Variants in PRR14L observed in about 807,000 individuals in gnomAD.
PRR14L encodes protein PRR14L.
Under a neutral mutation model 155.0 loss-of-function variants are expected in PRR14L, and 80 were observed. The ratio of observed to expected loss-of-function variants is 0.52; its 90% CI spans 0.43 to 0.62. PRR14L has a LOEUF of 0.62. PRR14L is among the 20% of genes least tolerant of loss of function. The probability of loss-of-function intolerance (pLI) is 0.00; values close to 1 mark genes in which losing one functional copy is unlikely to be tolerated. For missense variants in PRR14L, 2,469 were observed against 2,548.0 expected, an observed-to-expected ratio of 0.97 and a Z score of 0.67; for synonymous variants, 883 against 916.0, an observed-to-expected ratio of 0.96 and a Z score of 0.65.
At chr22:31,702,759 G>A (rs947648968) in intron 6 of PRR14L, among the ~76,000 whole-genome samples, 8 of 151,970 alleles carry the variant, frequency 5.3e-5, no homozygotes, top group African/African-American at 1.2e-4. Flanking sequence ...CGGGTGATCC[G>A]CCCGCCCTGG....
At chr22:31,688,362 C>A in intron 7 of PRR14L, 135 bp from the exon 8 acceptor site, 1 of 1,186,446 alleles carries the variant, frequency 8.4e-7, no homozygotes, top group Non-Finnish European at 1.1e-6. Flanking sequence ...TCTAGCCATC[C>A]TCCAGCCTCA....
At position 31,713,894 on chromosome 22, in the gene PRR14L, G is replaced by A. The variant is rs2074638387; in HGVS notation, c.3945C>T (p.His1315=). Residue 1315 remains histidine, a synonymous_variant, in exon 4 of 9, where the codon CAC becomes CAT. Transcript: ENST00000327423. The part of the protein sequence containing the change: ...EKNACKACHP[H]ENSSDRHLPL... Reference sequence around the variant, plus strand: ...GCAAATGTCTGTCAGAGGAATTCTCGTGAGGGTGACAAGCTTTGCAAGCAT... The same window carrying A: ...GCAAATGTCTGTCAGAGGAATTCTCATGAGGGTGACAAGCTTTGCAAGCAT... 1 of 1,551,952 alleles carries A rather than the reference G, an allele frequency of 6.4e-7. No individual in the cohort carries two copies.
chr22:31,685,521 C>T lies in PRR14L; in HGVS notation c.*6G>A, dbSNP rs1319792906. Reference sequence around the variant, plus strand: ...TAAAATTGAGACCCTCAAACTGAATCGCTTCTCAACAGCCTGATGATTGTT... The same window carrying T: ...TAAAATTGAGACCCTCAAACTGAATTGCTTCTCAACAGCCTGATGATTGTT... On this transcript the variant is annotated 3_prime_UTR_variant, in exon 9 of 9. Transcript: ENST00000327423. 1.4e-5 allele frequency: 22 copies of T among 1,529,120 alleles called. No homozygotes were observed. Among genetic ancestry groups the T allele is most frequent in the Non-Finnish European group, 1.9e-5 (21 of 1,133,006 alleles). The allele number at this position is 1,529,120 out of a possible 1,614,324, so 94.7% of individuals were successfully genotyped here.
chr22:31,724,955 C>T (rs1425503593), intron 3 of PRR14L, among the ~76,000 whole-genome samples: 2 of 152,148 alleles, frequency 1.3e-5, no homozygotes, highest in East Asian at 3.8e-4. Context: ...TTATCTCATC[C>T]CTGACCCCAC....
chr22:31,714,628 C>G lies in PRR14L; in HGVS notation c.3211G>C (p.Val1071Leu). Residue 1071 changes from valine (V) to leucine (L), a missense_variant, in exon 4 of 9, where the codon GTG becomes CTG. By Grantham distance (32) the Val-to-Leu change is conservative. Around this residue, in one of 2 missense-constraint regions of PRR14L, gnomAD observed 2,363 missense variants for 2,371.6 expected, o/e 1.00. Transcript: ENST00000327423. ...CAATCCAGTAGATTAGATGCCTTCACGTCCAGCACACCTTCTGCAAGCTTA... is the reference window on the plus strand; with the variant it reads ...CAATCCAGTAGATTAGATGCCTTCAGGTCCAGCACACCTTCTGCAAGCTTA... ...SNKLAEGVLD[V>L]KASNLLDCGA... 6.4e-7 allele frequency: 1 copy of G among 1,552,036 alleles called. No homozygotes were observed. The highest frequency in any genetic ancestry group is 2.4e-5 in the East Asian group (1 of 40,930).
chr22:31,687,448 G>A (rs994780537), intron 8 of PRR14L, among the ~76,000 whole-genome samples: 2 of 151,050 alleles, frequency 1.3e-5, no homozygotes, highest in Non-Finnish European at 3.0e-5. Context: ...CCTCCTCCCG[G>A]GTTCAAGCAA....
intron 1 of PRR14L, among the ~76,000 whole-genome samples, chr22:31,749,285 G>A (rs998600375): frequency 5.3e-5 from 8 of 152,124 alleles, no homozygotes; most frequent in African/African-American, 1.2e-4. Context: ...AATAATGCAA[G>A]GGAAAGGAGC....
chr22:31,707,815 C>T lies in PRR14L; in HGVS notation c.5757-3089G>A, dbSNP rs547709798. Among the ~76,000 whole-genome samples, 9 of 152,298 alleles carry T rather than the reference C, an allele frequency of 5.9e-5. No individual in the cohort carries two copies. In the South Asian group the frequency reaches 1.9e-3, roughly 32 times the overall value. ...TTTAAAACAATGTGAATCACTCTAA[C>T]GTATTTTCATGGCTGTCTTTATAAT... On this transcript the variant is annotated intron_variant, in intron 4 of 8. Transcript: ENST00000327423.
intron 4 of PRR14L, among the ~76,000 whole-genome samples, chr22:31,706,368 A>T (rs1272371258): frequency 1.3e-5 from 2 of 150,762 alleles, no homozygotes; most frequent in Non-Finnish European, 3.0e-5. Flanking sequence ...ATCTCACAAA[A>T]AAAAAAAAAA....
At chr22:31,744,709 C>G (rs919680801) in intron 1 of PRR14L, among the ~76,000 whole-genome samples, 1 of 152,224 alleles carries the variant, frequency 6.6e-6, no homozygotes, top group Non-Finnish European at 1.5e-5. Flanking sequence ...GTGGACTCAA[C>G]TCCCTGCAGT....
rs1313271647 is a variant in PRR14L, at chr22:31,713,853, G to A, written c.3986C>T (p.Thr1329Ile). Residue 1329 changes from threonine to isoleucine, a missense_variant, in exon 4 of 9, where the codon ACA becomes ATA. Thr to Ile is a moderately conservative substitution (Grantham distance 89). Coordinates refer to ENST00000327423, the MANE Select transcript of PRR14L (RefSeq NM_173566.3). The stretch of plus-strand genomic sequence containing the variant: ...TTCTTCTCCTTTCACTTTAATATCT[G>A]TTTTCACTGTCAAAGGCAAATGTCT... ...SDRHLPLTVK[T>I]DIKVKGEETE... 6 of 1,552,100 alleles carry A rather than the reference G, an allele frequency of 3.9e-6. No homozygotes were observed. The highest frequency in any genetic ancestry group is 5.2e-6 in the Non-Finnish European group (6 of 1,147,124).
chr22:31,697,364 T>C (rs2074540368), intron 7 of PRR14L, among the ~76,000 whole-genome samples: 1 of 150,790 alleles, frequency 6.6e-6, no homozygotes, highest in Non-Finnish European at 1.5e-5. Flanking sequence ...ATTTCAGGTA[T>C]CTCATGGAAA....
chr22:31,730,946 G>A (rs541864243), intron 2 of PRR14L, among the ~76,000 whole-genome samples: 6 of 152,166 alleles, frequency 3.9e-5, no homozygotes, highest in African/African-American at 7.2e-5. Flanking sequence ...AGTAAGTGTC[G>A]AATAATTCAT....
At chr22:31,701,078 C>T (rs1370146674) in intron 7 of PRR14L, among the ~76,000 whole-genome samples, 1 of 151,796 alleles carries the variant, frequency 6.6e-6, no homozygotes, top group East Asian at 1.9e-4. Context: ...ACCTCCACCT[C>T]CCAGGCTCAA....
intron 2 of PRR14L, among the ~76,000 whole-genome samples, chr22:31,725,975 T>C (rs2074714528): frequency 6.6e-6 from 1 of 151,962 alleles, no homozygotes; most frequent in Admixed American, 6.6e-5. Context: ...GGCTGAATAT[T>C]AGTTATTTTT....
intron 2 of PRR14L, among the ~76,000 whole-genome samples, chr22:31,734,098 G>C (rs958005644): frequency 3.3e-5 from 5 of 151,892 alleles, no homozygotes; most frequent in Non-Finnish European, 5.9e-5. Context: ...TCATCCTCCC[G>C]AATAGCTGGG....
chr22:31,710,068 G>A (rs764725391), intron 4 of PRR14L, among the ~76,000 whole-genome samples: 7 of 152,062 alleles, frequency 4.6e-5, no homozygotes, highest in African/African-American at 1.4e-4. Context: ...AGCCTTTTGA[G>A]TAGCTGGGAC....
At chr22:31,747,135 A>G (rs1326606695) in intron 1 of PRR14L, among the ~76,000 whole-genome samples, 1 of 138,176 alleles carries the variant, frequency 7.2e-6, no homozygotes, top group Non-Finnish European at 1.6e-5. Flanking sequence ...TTTGAGACAG[A>G]GTTTCACTCT....
At position 31,738,800 on chromosome 22, in the gene PRR14L, CCACGGCAGA is replaced by C. The variant is rs1413861359; in HGVS notation, c.52_60del (p.Ser18_Val20del). 1 of 1,550,366 alleles carries C rather than the reference CCACGGCAGA, an allele frequency of 6.5e-7. No individual in the cohort carries two copies. The highest frequency in any genetic ancestry group is 8.7e-7 in the Non-Finnish European group (1 of 1,147,094). ...GGGAGTTCAGAGTATAATTCCTGTA[CCACGGCAGA>C]CATGGAGGAATCAAGTGGAACTGGC... On this transcript the variant is annotated inframe_deletion, in exon 2 of 9. Transcript: ENST00000327423.
Sources: gnomAD v4.1 joint callset for allele counts (sites outside exome capture counted in the v4.1 genomes callset) on GRCh38, gnomAD v4.1.1 for gene constraint, gnomAD v4.1.1 regional missense constraint, MANE v1.5 for transcripts, NCBI Gene and HGNC (gene_info 2026-07-23, HGNC 2026-07-21) for gene names.